The following PRKAR1B variants were observed in gnomAD, a reference collection of about 807,000 sequenced individuals.
PRKAR1B encodes protein kinase cAMP-dependent type I regulatory subunit beta.
A neutral mutation model predicts 46.5 loss-of-function variants in PRKAR1B; 22 were observed. The ratio of observed to expected loss-of-function variants is 0.47; its 90% CI spans 0.34 to 0.68. The LOEUF is 0.68. PRKAR1B is among the 30% of genes least tolerant of loss of function. The pLI is 0.01. For missense variants in PRKAR1B, 445 were observed against 535.6 expected, an observed-to-expected ratio of 0.83 and a Z score of 1.67; for synonymous variants, 259 against 217.7, an observed-to-expected ratio of 1.19 and a Z score of -1.67.
At chr7:608,303 G>C (rs1237513606) in intron 4 of PRKAR1B, 1 of 152,148 alleles carries the variant, frequency 6.6e-6, no homozygotes, top group Non-Finnish European at 1.5e-5. Context: ...CTCCGAGGGT[G>C]GCCTCCTGCC....
intron 4 of PRKAR1B, among the ~76,000 whole-genome samples, chr7:674,725 C>T (rs1348502471): frequency 1.3e-5 from 2 of 152,230 alleles, no homozygotes; most frequent in Non-Finnish European, 2.9e-5. Context: ...ACTCTAGCTA[C>T]ACCCAGATAC....
At position 638,882 on chromosome 7, in the gene PRKAR1B, TC is replaced by T. The variant is rs747088583; in HGVS notation, c.441-31431del. Among the ~76,000 whole-genome samples the T allele has an allele frequency of 4.7e-5, 7 of 150,024 alleles. 1 individual carries two copies. In the East Asian group the frequency reaches 1.4e-3, roughly 30 times the overall value. On this transcript the variant is annotated intron_variant, in intron 4 of 10. Transcript: ENST00000537384. ...ACTTGAGGTCAGGAGTTCGAGACCA[TC>T]CTGGCCAACATGGTGAAACCCCCGT...
At chr7:724,694 A>G (rs765589205) in intron 1 of PRKAR1B, among the ~76,000 whole-genome samples, 1 of 152,176 alleles carries the variant, frequency 6.6e-6, no homozygotes, top group African/African-American at 2.4e-5. Flanking sequence ...ATCCCTTGAC[A>G]CTCATTCTCT....
chr7:702,516 A>T (rs1358490710), intron 2 of PRKAR1B, among the ~76,000 whole-genome samples: 1 of 152,168 alleles, frequency 6.6e-6, no homozygotes, highest in Non-Finnish European at 1.5e-5. Context: ...GACAAACTCA[A>T]AGAAAATCAT....
At chr7:679,158 C>T (rs544054706) in intron 3 of PRKAR1B, among the ~76,000 whole-genome samples, 2 of 152,216 alleles carry the variant, frequency 1.3e-5, no homozygotes, top group African/African-American at 2.4e-5. Flanking sequence ...AGATCATTCT[C>T]GTGCACCTTG....
intron 6 of PRKAR1B, among the ~76,000 whole-genome samples, chr7:604,396 C>T (rs955475680): frequency 6.6e-6 from 1 of 152,228 alleles, no homozygotes; most frequent in East Asian, 1.9e-4. Context: ...ACCTTTGGCA[C>T]CTGCCTCAGT....
At chr7:627,372 G>A (rs1783461533) in intron 4 of PRKAR1B, among the ~76,000 whole-genome samples, 1 of 152,118 alleles carries the variant, frequency 6.6e-6, no homozygotes, top group Admixed American at 6.5e-5. Flanking sequence ...AGCTCACAGG[G>A]TCCTTCTGAG....
chr7:602,001 G>A lies in PRKAR1B; in HGVS notation c.549+4192C>T, dbSNP rs1032076342. Among the ~76,000 whole-genome samples the A allele has an allele frequency of 7.9e-5, 12 of 152,122 alleles. No individual in the cohort carries two copies. The highest frequency in any genetic ancestry group is 2.2e-4 in the African/African-American group (9 of 41,422). ...TATATTTGGGGAACTCCAGTTACAC[G>A]AGGGTGACCTCACTCTTTCCTTTCT... On this transcript the variant is annotated intron_variant, in intron 6 of 10. Coordinates refer to ENST00000537384, the MANE Select transcript of PRKAR1B (RefSeq NM_001164760.2). The surrounding 1 kb of genome is among the most constrained non-coding windows in gnomAD (Gnocchi z 6.4).
intron 9 of PRKAR1B, among the ~76,000 whole-genome samples, chr7:552,552 C>T (rs1392042295): frequency 6.6e-6 from 1 of 152,222 alleles, no homozygotes; most frequent in African/African-American, 2.4e-5. Context: ...GCTGCTGCTT[C>T]TCCCGTTCCC....
chr7:660,260 G>A (rs1055783076), intron 4 of PRKAR1B, among the ~76,000 whole-genome samples: 4 of 151,970 alleles, frequency 2.6e-5, no homozygotes, highest in African/African-American at 9.7e-5. Context: ...TGGGCCCACC[G>A]AGTTCCCGTC....
chr7:561,648 T>C (rs1778805166), intron 9 of PRKAR1B, among the ~76,000 whole-genome samples: 2 of 152,250 alleles, frequency 1.3e-5, no homozygotes, highest in South Asian at 4.2e-4. Context: ...CTGATGTACG[T>C]CACACACCCT....
chr7:618,206 G>A (rs1782936454), intron 4 of PRKAR1B, among the ~76,000 whole-genome samples: 2 of 152,162 alleles, frequency 1.3e-5, no homozygotes, highest in Non-Finnish European at 2.9e-5. Context: ...GGTCCTGCTG[G>A]GGCCACAGGG....
chr7:635,596 C>T (rs554442526), intron 4 of PRKAR1B, among the ~76,000 whole-genome samples: 41 of 152,326 alleles, frequency 2.7e-4, no homozygotes, highest in African/African-American at 9.4e-4. Context: ...GCCCGGAAGG[C>T]TCGGGACTCC....
intron 3 of PRKAR1B, among the ~76,000 whole-genome samples, chr7:677,938 A>G (rs1778427701): frequency 6.6e-6 from 1 of 152,150 alleles, no homozygotes; most frequent in Admixed American, 6.5e-5. Context: ...CATCCTCAAC[A>G]CTGCAGGCAG....
intron 4 of PRKAR1B, among the ~76,000 whole-genome samples, chr7:638,645 C>T (rs376620310): frequency 3.9e-5 from 6 of 152,156 alleles, no homozygotes; most frequent in Non-Finnish European, 5.9e-5. Context: ...TACGAGAAGA[C>T]GGGCAGGACT....
intron 9 of PRKAR1B, among the ~76,000 whole-genome samples, chr7:568,793 A>G (rs1180662372): frequency 6.6e-6 from 1 of 152,204 alleles, no homozygotes; most frequent in Non-Finnish European, 1.5e-5. Flanking sequence ...CTTTGCTGCC[A>G]GGAATCTGGT....
At chr7:571,233 C>T (rs376201318) in intron 9 of PRKAR1B, among the ~76,000 whole-genome samples, 204 of 152,090 alleles carry the variant, frequency 1.3e-3, no homozygotes, top group African/African-American at 4.6e-3. Flanking sequence ...AGCCTCGCAG[C>T]GCAGGCCGGG....
intron 1 of PRKAR1B, among the ~76,000 whole-genome samples, chr7:723,626 A>G (rs561800887): frequency 1.8e-4 from 27 of 152,210 alleles, no homozygotes; most frequent in Non-Finnish European, 1.3e-4. Flanking sequence ...TCACTGCCAC[A>G]GCCTTCCCAG....
chr7:625,804 G>A (rs1466880949), intron 4 of PRKAR1B, among the ~76,000 whole-genome samples: 3 of 152,132 alleles, frequency 2.0e-5, no homozygotes, highest in South Asian at 2.1e-4. Flanking sequence ...TCAGGAGTTC[G>A]AGCCCAACCT....
Sources: gnomAD v4.1 joint callset for allele counts (sites outside exome capture counted in the v4.1 genomes callset) on GRCh38, gnomAD v4.1.1 for gene constraint, Gnocchi (gnomAD v3.1) non-coding constraint, MANE v1.5 for transcripts, NCBI Gene and HGNC (gene_info 2026-07-23, HGNC 2026-07-21) for gene names.